The following KAZN variants were observed in gnomAD, a reference collection of about 807,000 sequenced individuals.
KAZN encodes the protein kazrin, periplakin interacting protein.
A neutral mutation model predicts 87.4 loss-of-function variants in KAZN; 40 were observed. The ratio of observed to expected loss-of-function variants is 0.46; its 90% CI spans 0.36 to 0.60. KAZN has a LOEUF of 0.60. Among genes scored for constraint, KAZN ranks in the 20% least tolerant of loss-of-function variants. The pLI is 0.00. For missense variants in KAZN, 898 were observed against 1,073.9 expected, an observed-to-expected ratio of 0.84 and a Z score of 2.29; for synonymous variants, 466 against 458.3, an observed-to-expected ratio of 1.02 and a Z score of -0.22.
intron 1 of KAZN, among the ~76,000 whole-genome samples, chr1:14,869,853 T>G (rs1234090489): frequency 6.6e-6 from 1 of 152,196 alleles, no homozygotes; most frequent in Non-Finnish European, 1.5e-5. Context: ...AAATCCAGTG[T>G]TATTAAAAGC....
intron 1 of KAZN, among the ~76,000 whole-genome samples, chr1:14,801,837 T>C (rs1333994237): frequency 5.4e-5 from 8 of 149,194 alleles, no homozygotes; most frequent in African/African-American, 2.0e-4. Flanking sequence ...GCACCCGCCA[T>C]CACGCCCAGC....
At chr1:14,484,946 G>A (rs1045193460) in intron 2 of KAZN, among the ~76,000 whole-genome samples, 1 of 152,118 alleles carries the variant, frequency 6.6e-6, no homozygotes, top group Non-Finnish European at 1.5e-5. Flanking sequence ...CAAATCACAC[G>A]CTGAGCCCAA....
chr1:15,036,789 T>TA (rs1472868695), intron 3 of KAZN, among the ~76,000 whole-genome samples: 1 of 152,164 alleles, frequency 6.6e-6, no homozygotes, highest in Non-Finnish European at 1.5e-5. Context: ...CTGTGGGAGT[T>TA]ACGGCATGTA....
Position 14,939,633 on chromosome 1 carries a change from G to C in KAZN, c.227-21051G>C, listed in dbSNP as rs542158731. On this transcript the variant is annotated intron_variant, in intron 1 of 14. Transcript: ENST00000376030. ...GTGGGAGGTGCCTCTGCATTGGGAC[G>C]TGCCTCTTGCATAGGGTGGAGTGTG... Among the ~76,000 whole-genome samples the C allele has an allele frequency of 2.1e-3, 318 of 151,810 alleles. 2 individuals are homozygous for C. The highest frequency in any genetic ancestry group is 7.2e-3 in the African/African-American group (299 of 41,470).
intron 1 of KAZN, among the ~76,000 whole-genome samples, chr1:14,686,115 C>A (rs1018015884): frequency 6.6e-6 from 1 of 152,310 alleles, no homozygotes; most frequent in East Asian, 1.9e-4. Flanking sequence ...TGTTGCCAGG[C>A]TGGAGTGCAG....
intron 2 of KAZN, among the ~76,000 whole-genome samples, chr1:14,259,033 T>C (rs971824351): frequency 3.9e-5 from 6 of 152,060 alleles, no homozygotes; most frequent in Non-Finnish European, 8.8e-5. Context: ...CAAAGGTCTG[T>C]CAGGTTATTG....
intron 1 of KAZN, among the ~76,000 whole-genome samples, chr1:13,981,819 A>G (rs1380477228): frequency 6.6e-6 from 1 of 152,160 alleles, no homozygotes; most frequent in Non-Finnish European, 1.5e-5. Context: ...GGATGCTTTT[A>G]CAGACCCTAG....
intron 2 of KAZN, among the ~76,000 whole-genome samples, chr1:14,388,149 G>C (rs1442951885): frequency 6.6e-6 from 1 of 152,196 alleles, no homozygotes; most frequent in Non-Finnish European, 1.5e-5. Flanking sequence ...TCCCGAGTGA[G>C]GCAATGCCTC....
intron 2 of KAZN, among the ~76,000 whole-genome samples, chr1:14,351,449 C>G (rs986342499): frequency 6.6e-6 from 1 of 152,116 alleles, no homozygotes; most frequent in African/African-American, 2.4e-5. Flanking sequence ...ATGCCTGCTC[C>G]TCTGGAGGCT....
intron 1 of KAZN, among the ~76,000 whole-genome samples, chr1:14,827,605 G>A (rs1284563639): frequency 6.6e-6 from 1 of 152,228 alleles, no homozygotes; most frequent in East Asian, 1.9e-4. Flanking sequence ...GGTTCAAGAG[G>A]AGGGTTGTTG....
intron 1 of KAZN, among the ~76,000 whole-genome samples, chr1:14,926,641 C>G (rs1402101500): frequency 6.6e-6 from 1 of 152,194 alleles, no homozygotes; most frequent in Non-Finnish European, 1.5e-5. Flanking sequence ...GCATTGAGGA[C>G]AGCCTGCCGT....
chr1:14,301,466 G>A (rs1240530213), intron 2 of KAZN, among the ~76,000 whole-genome samples: 1 of 152,196 alleles, frequency 6.6e-6, no homozygotes, highest in Non-Finnish European at 1.5e-5. Context: ...AGCCACCGGG[G>A]TAGTGTAGAC....
chr1:14,301,811 A>G (rs1654573647), intron 2 of KAZN, among the ~76,000 whole-genome samples: 1 of 152,194 alleles, frequency 6.6e-6, no homozygotes, highest in Non-Finnish European at 1.5e-5. Context: ...GCCCATTCTC[A>G]TCTTCCAGGT....
chr1:13,901,066 AAAAG>A (rs1639231877), intron 1 of KAZN, among the ~76,000 whole-genome samples: 1 of 152,066 alleles, frequency 6.6e-6, no homozygotes, highest in African/African-American at 2.4e-5. Flanking sequence ...AAAAAACAAA[AAAAG>A]AAAACCTCAA....
chr1:14,347,352 C>T (rs1409224005), intron 2 of KAZN, among the ~76,000 whole-genome samples: 5 of 152,290 alleles, frequency 3.3e-5, no homozygotes, highest in Admixed American at 6.5e-5. Flanking sequence ...GACCTCTCTC[C>T]GCAGTTCAGA....
At position 14,911,903 on chromosome 1, in the gene KAZN, G is replaced by A. The variant is rs567282780; in HGVS notation, c.227-48781G>A. Among the ~76,000 whole-genome samples, 10 of 152,282 alleles carry A rather than the reference G, an allele frequency of 6.6e-5. No homozygotes were observed. The South Asian group carries it at 8.3e-4, about 13-fold the overall frequency. On this transcript the variant is annotated intron_variant, in intron 1 of 14. Coordinates refer to ENST00000376030, the MANE Select transcript of KAZN (RefSeq NM_201628.3). Reference sequence around the variant, plus strand: ...CACGGTGGCTCACGCCTGTAATCCAGCACTTTGGGAGGCCGAGGCAGGTAG... The same window carrying A: ...CACGGTGGCTCACGCCTGTAATCCAACACTTTGGGAGGCCGAGGCAGGTAG...
chr1:14,039,310 C>T (rs536429627), intron 1 of KAZN, among the ~76,000 whole-genome samples: 11 of 152,332 alleles, frequency 7.2e-5, no homozygotes, highest in African/African-American at 1.4e-4. Context: ...TCTGCCTCCA[C>T]GGTCTCCCTA....
intron 1 of KAZN, among the ~76,000 whole-genome samples, chr1:13,937,662 T>G (rs1373010721): frequency 1.3e-5 from 2 of 152,224 alleles, no homozygotes; most frequent in Non-Finnish European, 2.9e-5. Context: ...GTTTCAGGTC[T>G]TATATTTAAG....
At chr1:14,530,340 C>A (rs533950329) in intron 2 of KAZN, among the ~76,000 whole-genome samples, 2 of 152,178 alleles carry the variant, frequency 1.3e-5, no homozygotes, top group Non-Finnish European at 2.9e-5. Flanking sequence ...AGGTTTTATC[C>A]GTCTCTGCCA....
Sources: allele counts gnomAD v4.1 joint callset (sites outside exome capture counted in the v4.1 genomes callset), GRCh38; gene constraint gnomAD v4.1.1; transcripts MANE v1.5; gene names NCBI Gene and HGNC (gene_info 2026-07-23, HGNC 2026-07-21).